Variants in PGCKA1 observed in about 807,000 individuals in gnomAD.
PGCKA1 encodes the protein PDCD10 and GCKIII kinases-associated protein 1.
the PGCKA1 span, among the ~76,000 whole-genome samples, chr4:37,549,745 G>C: frequency 6.6e-6 from 1 of 151,988 alleles, no homozygotes; most frequent in Non-Finnish European, 1.5e-5. Flanking sequence ...TATTCTAGTA[G>C]GCCCAACCTC....
chr4:37,548,727 T>C, the PGCKA1 span, among the ~76,000 whole-genome samples: 2 of 152,334 alleles, frequency 1.3e-5, no homozygotes, highest in East Asian at 3.9e-4. Context: ...GTGTTTAGCT[T>C]TCTTTGGTCT....
the PGCKA1 span, among the ~76,000 whole-genome samples, chr4:37,489,437 C>T: frequency 6.6e-6 from 1 of 151,996 alleles, no homozygotes; most frequent in South Asian, 2.1e-4. Flanking sequence ...GCTTACCACC[C>T]TAAAATAGCA....
chr4:37,585,941 A>C, the PGCKA1 span, among the ~76,000 whole-genome samples: 1 of 151,780 alleles, frequency 6.6e-6, no homozygotes, highest in Non-Finnish European at 1.5e-5. Flanking sequence ...TTCCAGAAAC[A>C]AGTCCTACTT....
chr4:37,509,372 A>G, the PGCKA1 span, among the ~76,000 whole-genome samples: 1 of 140,114 alleles, frequency 7.1e-6, no homozygotes, highest in African/African-American at 2.7e-5. Flanking sequence ...GGGTCACGGC[A>G]GGGCAGAGGC....
the PGCKA1 span, among the ~76,000 whole-genome samples, chr4:37,468,095 C>T: frequency 1.3e-5 from 2 of 152,160 alleles, no homozygotes; most frequent in Admixed American, 1.3e-4. Flanking sequence ...ACCAATATCC[C>T]GAACTTCCGG....
the PGCKA1 span, among the ~76,000 whole-genome samples, chr4:37,533,025 G>C: frequency 6.6e-6 from 1 of 152,164 alleles, no homozygotes; most frequent in Non-Finnish European, 1.5e-5. Flanking sequence ...GTACTGCTTT[G>C]ATGATGGGTG....
the PGCKA1 span, chr4:37,591,154 G>C: frequency 1.6e-6 from 1 of 627,236 alleles, no homozygotes; most frequent in Non-Finnish European, 2.7e-6. Context: ...GTCAGCATCT[G>C]TCCCATGCTG....
chr4:37,552,360 G>T, the PGCKA1 span, among the ~76,000 whole-genome samples: 10 of 152,180 alleles, frequency 6.6e-5, no homozygotes, highest in African/African-American at 2.4e-4. Context: ...TGCACTTGGG[G>T]AGCTCAGATT....
At chr4:37,569,563 T>C in the PGCKA1 span, among the ~76,000 whole-genome samples, 1 of 152,156 alleles carries the variant, frequency 6.6e-6, no homozygotes. Flanking sequence ...CCAAACACCA[T>C]ATAGCTTAAT....
At chr4:37,522,122 G>T in the PGCKA1 span, among the ~76,000 whole-genome samples, 1 of 152,132 alleles carries the variant, frequency 6.6e-6, no homozygotes, top group African/African-American at 2.4e-5. Context: ...TCTACAATCA[G>T]CTGGTGGCAA....
At chr4:37,502,132 C>G in the PGCKA1 span, among the ~76,000 whole-genome samples, 1 of 152,228 alleles carries the variant, frequency 6.6e-6, no homozygotes, top group African/African-American at 2.4e-5. Flanking sequence ...AGGCACTACA[C>G]TCTGATGGGT....
chr4:37,554,097 C>G, the PGCKA1 span, among the ~76,000 whole-genome samples: 28 of 152,166 alleles, frequency 1.8e-4, no homozygotes, highest in Middle Eastern at 3.4e-3. Context: ...TCTCATGATA[C>G]TGAATAAATC....
chr4:37,538,829 TCA>T, the PGCKA1 span, among the ~76,000 whole-genome samples: 1 of 152,218 alleles, frequency 6.6e-6, no homozygotes, highest in African/African-American at 2.4e-5. Flanking sequence ...CAAATTCATC[TCA>T]CACATTAAAA....
chr4:37,565,294 C>G, the PGCKA1 span, among the ~76,000 whole-genome samples: 1 of 152,178 alleles, frequency 6.6e-6, no homozygotes, highest in African/African-American at 2.4e-5. Context: ...CTTCTCCCCC[C>G]AAAACCTTCG....
chr4:37,462,692 T>C, the PGCKA1 span, among the ~76,000 whole-genome samples: 1 of 152,186 alleles, frequency 6.6e-6, no homozygotes, highest in African/African-American at 2.4e-5. Context: ...CTTTGAATGA[T>C]GAAAAGATTT....
the PGCKA1 span, among the ~76,000 whole-genome samples, chr4:37,528,680 C>T: frequency 6.6e-6 from 1 of 152,168 alleles, no homozygotes; most frequent in South Asian, 2.1e-4. Flanking sequence ...TTGATTGATG[C>T]ATTGTTCTCC....
the PGCKA1 span, among the ~76,000 whole-genome samples, chr4:37,585,882 A>G: frequency 0.21 from 31,432 of 151,702 alleles, 3,380 homozygotes; most frequent in Non-Finnish European, 0.23. Context: ...GGGGTTTTCT[A>G]TCTTTCAATT....
the PGCKA1 span, among the ~76,000 whole-genome samples, chr4:37,507,767 A>G: frequency 1.3e-5 from 2 of 152,084 alleles, no homozygotes; most frequent in Admixed American, 6.5e-5. Flanking sequence ...ATGATTACCA[A>G]TTAGTTTTAT....
chr4:37,476,377 A>G, the PGCKA1 span, among the ~76,000 whole-genome samples: 6 of 152,178 alleles, frequency 3.9e-5, no homozygotes, highest in Admixed American at 3.3e-4. Context: ...TCTTTAGTCT[A>G]TTAACAGATA....
Sources: gnomAD v4.1 joint callset for allele counts (sites outside exome capture counted in the v4.1 genomes callset) on GRCh38, gnomAD v4.1.1 for gene constraint, MANE v1.5 for transcripts, NCBI Gene and HGNC (gene_info 2026-07-23, HGNC 2026-07-21) for gene names.